Variants in APBB1IP observed in about 807,000 individuals in gnomAD.
APBB1IP encodes amyloid beta A4 precursor protein-binding family B member 1-interacting protein.
A neutral mutation model predicts 64.9 loss-of-function variants in APBB1IP; 27 were observed. The ratio of observed to expected loss-of-function variants is 0.42; its 90% CI spans 0.31 to 0.57. APBB1IP has a LOEUF of 0.57. APBB1IP is among the 20% of genes least tolerant of loss of function. The probability of loss-of-function intolerance (pLI) is 0.20; values close to 1 mark genes in which losing one functional copy is unlikely to be tolerated. For synonymous variants in APBB1IP, 392 were observed against 331.0 expected, an observed-to-expected ratio of 1.18 and a Z score of -2.00; for missense variants, 812 against 845.5, an observed-to-expected ratio of 0.96 and a Z score of 0.49.
intron 2 of APBB1IP, among the ~76,000 whole-genome samples, chr10:26,485,531 G>A (rs1409104526): frequency 6.6e-6 from 1 of 152,218 alleles, no homozygotes; most frequent in Non-Finnish European, 1.5e-5. Context: ...AGTTTTCTAA[G>A]AGATTCTATA....
Position 26,567,553 on chromosome 10 carries a change from C to G in APBB1IP, c.*65C>G. Reference sequence around the variant, plus strand: ...TGACCCCGAGCGCAGGTTTTGCTAGCAGATTGCCCTGACATCTTGTTCATT... The same window carrying G: ...TGACCCCGAGCGCAGGTTTTGCTAGGAGATTGCCCTGACATCTTGTTCATT... On this transcript the variant is annotated 3_prime_UTR_variant, in exon 15 of 15. Coordinates refer to ENST00000376236, the MANE Select transcript of APBB1IP (RefSeq NM_019043.4). The G allele has an allele frequency of 6.7e-7, 1 of 1,498,486 alleles. No individual in the cohort carries two copies. The highest frequency in any genetic ancestry group is 9.0e-7 in the Non-Finnish European group (1 of 1,106,386). 92.8% of individuals were successfully genotyped at this position (1,498,486 alleles called of 1,614,324 possible).
intron 2 of APBB1IP, among the ~76,000 whole-genome samples, chr10:26,469,777 T>G (rs1172112132): frequency 1.3e-5 from 2 of 152,112 alleles, no homozygotes; most frequent in Non-Finnish European, 2.9e-5. Flanking sequence ...CCTTCCCCAC[T>G]CTAGTGGTCC....
chr10:26,472,840 G>A (rs1835735444), intron 2 of APBB1IP, among the ~76,000 whole-genome samples: 1 of 151,838 alleles, frequency 6.6e-6, no homozygotes, highest in South Asian at 2.1e-4. Context: ...AGGAGGGTGA[G>A]GCAGGAGAAT....
At position 26,567,146 on chromosome 10, in the gene APBB1IP, C is replaced by A; in HGVS notation, c.1659C>A (p.Phe553Leu). The change falls in exon 15 of 15, where the codon TTC (phenylalanine) becomes TTA (leucine). Residue 553 changes from phenylalanine to leucine, a missense_variant. Coordinates refer to ENST00000376236, the MANE Select transcript of APBB1IP (RefSeq NM_019043.4). ...GGGLPAPPDD[F>L]LPPPPPPPPL... ...GCTTGCCCGCCCCACCCGACGACTT[C>A]CTGCCGCCGCCGCCACCGCCGCCGC... 1 of 1,418,228 alleles carries A rather than the reference C, an allele frequency of 7.1e-7. No homozygotes were observed. The highest frequency in any genetic ancestry group is 9.1e-7 in the Non-Finnish European group (1 of 1,094,716). 87.9% of individuals were successfully genotyped at this position (1,418,228 alleles called of 1,614,324 possible). A position where few individuals can be genotyped will look rare whatever the true frequency, so the allele number is the denominator to read the frequency against.
At position 26,526,561 on chromosome 10, in the gene APBB1IP, A is replaced by C. The variant is rs558615759; in HGVS notation, c.814-6878A>C. Among the ~76,000 whole-genome samples, 369 of 152,170 alleles carry C rather than the reference A, an allele frequency of 2.4e-3. 1 individual carries two copies. The highest frequency in any genetic ancestry group is 8.2e-3 in the African/African-American group (339 of 41,504). On this transcript the variant is annotated intron_variant, in intron 8 of 14. Coordinates refer to ENST00000376236, the MANE Select transcript of APBB1IP (RefSeq NM_019043.4). ...TGGTGAAACCCTGTCTCTACTAAAAATACAAAAACAAGTCGTGCATGGCGG... is the reference window on the plus strand; with the variant it reads ...TGGTGAAACCCTGTCTCTACTAAAACTACAAAAACAAGTCGTGCATGGCGG...
intron 11 of APBB1IP, among the ~76,000 whole-genome samples, chr10:26,548,095 TG>T (rs1356805616): frequency 2.0e-5 from 3 of 152,256 alleles, no homozygotes; most frequent in Non-Finnish European, 4.4e-5. Context: ...TTGTTCTTTT[TG>T]CTCAAGGTTG....
At chr10:26,439,065 G>A (rs1468859839) in intron 2 of APBB1IP, among the ~76,000 whole-genome samples, 1 of 152,202 alleles carries the variant, frequency 6.6e-6, no homozygotes, top group Non-Finnish European at 1.5e-5. Flanking sequence ...CGGCTCGCGA[G>A]GGTGGGGGTG....
rs1424311158 is a variant in APBB1IP at position 26,567,322 on chromosome 10, C to T, written c.1835C>T (p.Pro612Leu). Reference sequence around the variant, plus strand: ...CCGCCGCCCGCGCCCGCGCCCGCCCCCGTCCCCGACTCCGCCAGGCCGCCC... The same window carrying T: ...CCGCCGCCCGCGCCCGCGCCCGCCCTCGTCCCCGACTCCGCCAGGCCGCCC... ...PPPPPAPAPA[P>L]VPDSARPPPA... Residue 612 changes from proline (P) to leucine (L), a missense_variant, in exon 15 of 15, where the codon CCC becomes CTC. By Grantham distance (98) the Pro-to-Leu change is moderately conservative. Around this residue, in one of 3 missense-constraint regions of APBB1IP, gnomAD observed 381 missense variants for 352.1 expected, o/e 1.08. Transcript: ENST00000376236. The T allele has an allele frequency of 7.9e-7, 1 of 1,272,256 alleles. No homozygotes were observed. Among genetic ancestry groups the T allele is most frequent in the African/African-American group, 1.6e-5 (1 of 60,634 alleles). The allele number at this position is 1,272,256 out of a possible 1,614,324, so 78.8% of individuals were successfully genotyped here.
At position 26,561,154 on chromosome 10, in the gene APBB1IP, C is replaced by T. The variant is rs559919524; in HGVS notation, c.1369+310C>T. Among the ~76,000 whole-genome samples, 52 of 143,770 alleles carry T rather than the reference C, an allele frequency of 3.6e-4. 1 individual carries two copies. The highest frequency in any genetic ancestry group is 7.5e-3 in the Middle Eastern group (2 of 268). The allele number at this position is 143,770 out of a possible 152,430, so 94.3% of individuals were successfully genotyped here. On this transcript the variant is annotated intron_variant, in intron 13 of 14. Coordinates refer to ENST00000376236, the MANE Select transcript of APBB1IP (RefSeq NM_019043.4). ...CGGGATCTCAGCTCACTGCAAGCTC[C>T]GCCTCCTGGGTTCACACCGTTCTCC...
rs114781174 is a variant in APBB1IP at position 26,548,974 on chromosome 10, G to C, written c.1155+7282G>C. 6.0e-3 allele frequency among the ~76,000 whole-genome samples: 915 copies of C among 152,182 alleles called. 8 individuals carry two copies. Among genetic ancestry groups the C allele is most frequent in the African/African-American group, 0.021 (868 of 41,514 alleles). ...TCCCATTCAGGGTGATGTTGGCTGT[G>C]GGTTTAACATATATAAACTTTATTA... On this transcript the variant is annotated intron_variant, in intron 11 of 14. Coordinates refer to ENST00000376236, the MANE Select transcript of APBB1IP (RefSeq NM_019043.4).
intron 8 of APBB1IP, among the ~76,000 whole-genome samples, chr10:26,520,098 G>A (rs1332119656): frequency 1.3e-5 from 2 of 152,144 alleles, no homozygotes; most frequent in Non-Finnish European, 2.9e-5. Flanking sequence ...AATTGCTTGA[G>A]CACAAGATGT....
At chr10:26,482,419 A>G (rs977629431) in intron 2 of APBB1IP, among the ~76,000 whole-genome samples, 9 of 152,162 alleles carry the variant, frequency 5.9e-5, no homozygotes, top group African/African-American at 1.9e-4. Context: ...AAACGCTTTC[A>G]TTGCATTTTG....
intron 6 of APBB1IP, among the ~76,000 whole-genome samples, chr10:26,509,295 G>GA (rs144214846): frequency 1.1e-3 from 169 of 151,838 alleles, no homozygotes; most frequent in Non-Finnish European, 1.9e-3. Flanking sequence ...TTTCAAGGGG[G>GA]AAAAAAAAGT....
At chr10:26,549,001 G>A (rs554556047) in intron 11 of APBB1IP, among the ~76,000 whole-genome samples, 15 of 152,252 alleles carry the variant, frequency 9.9e-5, no homozygotes, top group South Asian at 8.3e-4. Context: ...ACTTTATTAC[G>A]TTGAAGTATG....
Position 26,510,734 on chromosome 10 carries a change from T to TCACACACACA in APBB1IP, c.532-980_532-971dup, listed in dbSNP as rs1554776713. Among the ~76,000 whole-genome samples the TCACACACACA allele has an allele frequency of 2.7e-3, 361 of 135,968 alleles. 3 individuals carry two copies. Among genetic ancestry groups the TCACACACACA allele is most frequent in the African/African-American group, 8.7e-3 (313 of 35,778 alleles). The allele number at this position is 135,968 out of a possible 152,430, so 89.2% of individuals were successfully genotyped here. On this transcript the variant is annotated intron_variant, in intron 6 of 14. Coordinates refer to ENST00000376236, the MANE Select transcript of APBB1IP (RefSeq NM_019043.4). ...CTAGGCAACAGAGCAAGACCCTGTC[T>TCACACACACA]CACACACACACACACACACACACAC...
In APBB1IP at chr10:26,492,362, C is replaced by T. The variant is rs751304114; in HGVS notation, c.36C>T (p.Phe12=). Residue 12 remains phenylalanine (F), a synonymous_variant, in exon 3 of 15, where the codon TTC becomes TTT. Transcript: ENST00000376236. ...CAAGTGAAGACATAGACCAAATGTT[C>T]AGCACTTTGCTGGGAGAGATGGATC... ...GESSEDIDQM[F]STLLGEMDLL... The T allele has an allele frequency of 3.1e-6, 5 of 1,613,808 alleles. No homozygotes were observed. The highest frequency in any genetic ancestry group is 3.4e-6 in the Non-Finnish European group (4 of 1,179,912).
chr10:26,556,299 G>A lies in APBB1IP; in HGVS notation c.1156-3806G>A, dbSNP rs1836894305. 2.0e-5 allele frequency among the ~76,000 whole-genome samples: 3 copies of A among 152,218 alleles called. No individual in the cohort carries two copies. In the South Asian group the frequency reaches 6.2e-4, roughly 32 times the overall value. On this transcript the variant is annotated intron_variant, in intron 11 of 14. Transcript: ENST00000376236. ...AGTCTCAAGACACGGTGGAGAACAAGCCCAGTGACTTGCTCTATAATGTCT... is the reference window on the plus strand; with the variant it reads ...AGTCTCAAGACACGGTGGAGAACAAACCCAGTGACTTGCTCTATAATGTCT...
intron 8 of APBB1IP, among the ~76,000 whole-genome samples, chr10:26,532,761 A>C (rs1588607831): frequency 6.6e-6 from 1 of 152,070 alleles, no homozygotes; most frequent in African/African-American, 2.4e-5. Context: ...GAGTGGTGGG[A>C]TTATGGGCAT....
intron 2 of APBB1IP, among the ~76,000 whole-genome samples, chr10:26,447,140 G>A (rs1396404736): frequency 6.6e-6 from 1 of 151,976 alleles, no homozygotes; most frequent in Non-Finnish European, 1.5e-5. Context: ...TTGGGAGGCT[G>A]AGGAGGGCAG....
Sources: gnomAD v4.1 joint callset for allele counts (sites outside exome capture counted in the v4.1 genomes callset) on GRCh38, gnomAD v4.1.1 for gene constraint, gnomAD v4.1.1 regional missense constraint, MANE v1.5 for transcripts, NCBI Gene and HGNC (gene_info 2026-07-23, HGNC 2026-07-21) for gene names.